The following TSNAXIP1 variants were observed in gnomAD, a reference collection of about 807,000 sequenced individuals.
The protein encoded by TSNAXIP1 is translin associated factor X interacting protein 1.
A neutral mutation model predicts 84.8 loss-of-function variants in TSNAXIP1; 89 were observed. The observed-to-expected ratio is 1.05, with a 90% CI of 0.88 to 1.25. The LOEUF (loss-of-function observed/expected upper bound fraction) is 1.25. Among genes scored for constraint, TSNAXIP1 ranks in the 50% most tolerant of loss-of-function variants. TSNAXIP1 has a pLI of 0.00. For missense variants in TSNAXIP1, 874 were observed against 887.6 expected (o/e 0.98, Z 0.20); for synonymous variants, 347 against 335.2 (o/e 1.04, Z -0.39).
At position 67,825,727 on chromosome 16, in the gene TSNAXIP1, T is replaced by G. The variant is rs1321938233; in HGVS notation, c.875T>G (p.Leu292Arg). ...GCTCTTAAGATGACCCGGCAAGACC[T>G]GACCCGCACGCAGATGGAACTCAAC... The part of the protein sequence containing the change: ...TLALKMTRQD[L>R]TRTQMELNNM... The change falls in exon 8 of 16, where the codon CTG (leucine) becomes CGG (arginine). Residue 292 changes from leucine to arginine, a missense_variant. Physicochemically the swap from Leu to Arg is moderately radical, Grantham distance 102. Coordinates refer to ENST00000561639, the MANE Select transcript of TSNAXIP1 (RefSeq NM_001288990.3). 2 of 1,614,078 alleles carry G rather than the reference T, an allele frequency of 1.2e-6. No homozygotes were observed. The highest frequency in any genetic ancestry group is 1.7e-6 in the Non-Finnish European group (2 of 1,180,048).
chr16:67,813,668 G>A (rs2056302564), intron 1 of TSNAXIP1, among the ~76,000 whole-genome samples: 1 of 143,742 alleles, frequency 7.0e-6, no homozygotes, highest in Non-Finnish European at 1.5e-5. Flanking sequence ...CGAGATGGAG[G>A]TTGCAGTGAG....
intron 1 of TSNAXIP1, among the ~76,000 whole-genome samples, chr16:67,813,731 C>CAA (rs373627128): frequency 0.025 from 891 of 35,810 alleles, 3 homozygotes; most frequent in Non-Finnish European, 0.03. Flanking sequence ...GACTCCGTCT[C>CAA]AAAAAAAAAA....
At chr16:67,821,331 A>C in intron 4 of TSNAXIP1, 106 bp downstream of exon 4, 3 of 1,435,690 alleles carry the variant, frequency 2.1e-6, no homozygotes, top group Non-Finnish European at 2.8e-6. Context: ...GCACTTTGGG[A>C]GGCCAAGGCG....
intron 2 of TSNAXIP1, among the ~76,000 whole-genome samples, chr16:67,817,173 A>G (rs1299069639): frequency 6.7e-6 from 1 of 149,994 alleles, no homozygotes; most frequent in Non-Finnish European, 1.5e-5. Context: ...TTTTTGAAAC[A>G]GAGTCTTGCT....
chr16:67,821,572 C>G (rs193286771), intron 4 of TSNAXIP1, among the ~76,000 whole-genome samples: 2 of 151,536 alleles, frequency 1.3e-5, no homozygotes, highest in Non-Finnish European at 2.9e-5. Context: ...AGTGAGACTC[C>G]GTCTCAAAAA....
chr16:67,811,436 CTTTTTT>C (rs1190285857), intron 1 of TSNAXIP1, among the ~76,000 whole-genome samples: 2 of 101,980 alleles, frequency 2.0e-5, no homozygotes, highest in Admixed American at 2.2e-4. Flanking sequence ...ATTGATTAGT[CTTTTTT>C]TTTTTTTTTT....
intron 1 of TSNAXIP1, among the ~76,000 whole-genome samples, chr16:67,813,992 A>G (rs892207476): frequency 6.6e-6 from 1 of 152,124 alleles, no homozygotes; most frequent in Non-Finnish European, 1.5e-5. Flanking sequence ...CATGAAACCA[A>G]TACCACAGCC....
Position 67,823,712 on chromosome 16 carries a change from G to T in TSNAXIP1, c.474G>T (p.Gly158=), listed in dbSNP as rs62636659. 5 of 1,612,110 alleles carry T rather than the reference G, an allele frequency of 3.1e-6. No homozygotes were observed. The African/African-American group carries it at 5.4e-5, about 17-fold the overall frequency. Residue 158 remains glycine (G), a synonymous_variant, in exon 5 of 16, where the codon GGG becomes GGT. Transcript: ENST00000561639. ...CCTCCATCAAGAATGCGTATGAGGG[G>T]ATGCTGGGTAAGAATGCACCTCCTG... ...LLSSIKNAYE[G]MLAHQREKIR...
rs2057556325 is a variant in TSNAXIP1, at chr16:67,827,535, G to A, written c.1854G>A (p.Lys618=). Residue 618 remains lysine (K), a synonymous_variant, in exon 15 of 16, where the codon AAG becomes AAA. Coordinates refer to ENST00000561639, the MANE Select transcript of TSNAXIP1 (RefSeq NM_001288990.3). ...QKLWEQYMDE[K]DEYLQQLKQE... ...TCTGGGAACAATACATGGATGAGAA[G>A]GACGAGTACTTACAGCAGCTAAAGC... 1 of 1,614,208 alleles carries A rather than the reference G, an allele frequency of 6.2e-7. No homozygotes were observed. Among genetic ancestry groups the A allele is most frequent in the Non-Finnish European group, 8.5e-7 (1 of 1,180,034 alleles).
chr16:67,821,501 C>T (rs1567760324), intron 4 of TSNAXIP1, among the ~76,000 whole-genome samples: 2 of 150,974 alleles, frequency 1.3e-5, no homozygotes, highest in South Asian at 4.2e-4. Flanking sequence ...ACCCTGAACC[C>T]GGGAGGCAGC....
In TSNAXIP1 at chr16:67,827,349, C is replaced by A; in HGVS notation, c.1765C>A (p.Leu589Ile). The change falls in exon 14 of 16, where the codon CTC (leucine) becomes ATC (isoleucine). Residue 589 changes from leucine (L) to isoleucine (I), a missense_variant. Transcript: ENST00000561639. ...WHPSSSNADL[L>I]NYRSLFMEDE... The stretch of plus-strand genomic sequence containing the variant: ...TCCCAGCAGCAGCAATGCAGACTTG[C>A]TCAACTACCGCTCACTGTTTATGGA... 1 of 1,614,230 alleles carries A rather than the reference C, an allele frequency of 6.2e-7. No individual in the cohort carries two copies. The highest frequency in any genetic ancestry group is 1.1e-5 in the South Asian group (1 of 91,092).
At position 67,827,865 on chromosome 16, in the gene TSNAXIP1, T is replaced by A. The variant is rs912604502; in HGVS notation, c.2011T>A (p.Ser671Thr). ...GAGCCAGGCCTTCCAGCTCCCTGAG[T>A]CGGAAATGCCAGAGGAGGGTGACGA... is the stretch of plus-strand genomic sequence containing the variant. ...YMSQAFQLPE[S>T]EMPEEGDEKE... Residue 671 changes from serine (S) to threonine (T), a missense_variant, in exon 16 of 16, where the codon TCG (serine) becomes ACG (threonine). Physicochemically the swap from Ser to Thr is moderately conservative, Grantham distance 58. Coordinates refer to ENST00000561639, the MANE Select transcript of TSNAXIP1 (RefSeq NM_001288990.3). 1 of 1,613,582 alleles carries A rather than the reference T, an allele frequency of 6.2e-7. No homozygotes were observed. Among genetic ancestry groups the A allele is most frequent in the Admixed American group, 1.7e-5 (1 of 59,952 alleles).
chr16:67,819,321 G>A (rs2056843678), intron 2 of TSNAXIP1, among the ~76,000 whole-genome samples: 1 of 145,192 alleles, frequency 6.9e-6, no homozygotes, highest in Non-Finnish European at 1.5e-5. Flanking sequence ...CCAGCTCACT[G>A]CAACCTCTGC....
At chr16:67,810,358 C>G (rs1018360933) in intron 1 of TSNAXIP1, among the ~76,000 whole-genome samples, 1 of 152,122 alleles carries the variant, frequency 6.6e-6, no homozygotes, top group African/African-American at 2.4e-5. Flanking sequence ...CGGTGGCTCA[C>G]GTCTGTAATC....
In TSNAXIP1 at chr16:67,807,134, C is replaced by T. The variant is rs1364958375; in HGVS notation, c.-16C>T. On this transcript the variant is annotated 5_prime_UTR_variant, in exon 1 of 16. Coordinates refer to ENST00000561639, the MANE Select transcript of TSNAXIP1 (RefSeq NM_001288990.3). Reference sequence around the variant, plus strand: ...TCCCAGGCCGCGGGTGCTGATTGCCCGCCTGCCCGTGGGTCATGGCCTGCC... The same window carrying T: ...TCCCAGGCCGCGGGTGCTGATTGCCTGCCTGCCCGTGGGTCATGGCCTGCC... 6.5e-7 allele frequency: 1 copy of T among 1,534,564 alleles called. No homozygotes were observed. Among genetic ancestry groups the T allele is most frequent in the South Asian group, 1.2e-5 (1 of 83,990 alleles).
chr16:67,811,434 G>GTTTT (rs1312098377), intron 1 of TSNAXIP1, among the ~76,000 whole-genome samples: 1 of 122,462 alleles, frequency 8.2e-6, no homozygotes, highest in African/African-American at 3.9e-5. Flanking sequence ...GAATTGATTA[G>GTTTT]TCTTTTTTTT....
Position 67,814,345 on chromosome 16 carries a change from C to T in TSNAXIP1, c.91C>T (p.Leu31Phe), listed in dbSNP as rs749540419. The T allele has an allele frequency of 1.9e-5, 29 of 1,535,960 alleles. No homozygotes were observed. The South Asian group carries it at 3.2e-4, about 17-fold the overall frequency. The change falls in exon 2 of 16, where the codon CTC (leucine) becomes TTC (phenylalanine). Residue 31 changes from leucine to phenylalanine, a missense_variant. Leu to Phe is a conservative substitution (Grantham distance 22). Transcript: ENST00000561639. The part of the protein sequence containing the change: ...PSGVTIDESF[L>F]TEDKSTQNRK... ...AGGAGTGACCATAGACGAATCCTTTCTCACAGAAGACAAGAGCACCCAGAA... is the reference window on the plus strand; with the variant it reads ...AGGAGTGACCATAGACGAATCCTTTTTCACAGAAGACAAGAGCACCCAGAA...
At chr16:67,821,069 T>C in intron 3 of TSNAXIP1, 30 bp from the exon 4 acceptor site, 2 of 1,612,772 alleles carry the variant, frequency 1.2e-6, no homozygotes, top group African/African-American at 2.7e-5. Flanking sequence ...GTGGGGGTGC[T>C]GGCCACATAT....
At chr16:67,815,946 C>T (rs1164572082) in intron 2 of TSNAXIP1, among the ~76,000 whole-genome samples, 1 of 150,872 alleles carries the variant, frequency 6.6e-6, no homozygotes, top group Non-Finnish European at 1.5e-5. Flanking sequence ...ATTACAGGTG[C>T]ACACCACCAT....
Sources: allele counts gnomAD v4.1 joint callset (sites outside exome capture counted in the v4.1 genomes callset), GRCh38; gene constraint gnomAD v4.1.1; transcripts MANE v1.5; gene names NCBI Gene and HGNC (gene_info 2026-07-23, HGNC 2026-07-21).